Variants in ETV1 observed in about 807,000 individuals in gnomAD.
The protein encoded by ETV1 is ETS translocation variant 1.
In ETV1, 27 loss-of-function variants were observed where a neutral mutation model predicts 62.3. That is an observed-to-expected ratio of 0.43 (90% CI 0.32 to 0.60). The LOEUF is 0.60. Among genes scored for constraint, ETV1 ranks in the 20% least tolerant of loss-of-function variants. The pLI is 0.06. For synonymous variants in ETV1, 222 were observed against 199.6 expected (o/e 1.11, Z -0.94); for missense variants, 605 against 605.8 (o/e 1.00, Z 0.01).
At chr7:13,962,355 G>C (rs1309274685) in intron 6 of ETV1, among the ~76,000 whole-genome samples, 1 of 151,948 alleles carries the variant, frequency 6.6e-6, no homozygotes, top group East Asian at 1.9e-4. Context: ...TTGAACTCAA[G>C]AGGCCTAGGT....
chr7:13,990,147 G>C (rs2073532), upstream of ETV1, among the ~76,000 whole-genome samples: 104,632 of 151,982 alleles, frequency 0.69, 36,157 homozygotes, highest in Admixed American at 0.73. Flanking sequence ...AGCTCACCTC[G>C]CTCTCTATCC....
At position 13,917,330 on chromosome 7, in the gene ETV1, ATT is replaced by A. The variant is rs548589730; in HGVS notation, c.803-6025_803-6024del. ...TATTTATTTATTTATTTATTTATTT[ATT>A]TTGAGACGGAGTTTCGCTCTTGTTG... On this transcript the variant is annotated intron_variant, in intron 9 of 13. Transcript: ENST00000430479. Among the ~76,000 whole-genome samples, 433 of 143,214 alleles carry A rather than the reference ATT, an allele frequency of 3.0e-3. 10 individuals carry two copies. Among genetic ancestry groups the A allele is most frequent in the Admixed American group, 0.028 (397 of 14,426 alleles). 94.0% of individuals were successfully genotyped at this position (143,214 alleles called of 152,430 possible). A position where few individuals can be genotyped will look rare whatever the true frequency, so the allele number is the denominator to read the frequency against.
intron 6 of ETV1, 74 bp from the exon 7 acceptor site, chr7:13,939,320 T>C: frequency 7.5e-7 from 1 of 1,324,668 alleles, no homozygotes; most frequent in South Asian, 1.4e-5. Context: ...GTTCTACTTC[T>C]CTTGTTAAAA....
Position 13,930,478 on chromosome 7 carries a change from T to C in ETV1, c.802+1024A>G, listed in dbSNP as rs1380547468. On this transcript the variant is annotated intron_variant, in intron 9 of 13. Transcript: ENST00000430479. ...CTGGGACTACAGGCACGTGCCAGCA[T>C]GCCCGGTTAATTTTTTGTGTTTTTA... Among the ~76,000 whole-genome samples the C allele has an allele frequency of 3.9e-5, 6 of 151,988 alleles. 1 individual carries two copies. The South Asian group carries it at 1.2e-3, about 32-fold the overall frequency.
At chr7:13,948,250 A>G (rs1264783954) in intron 6 of ETV1, among the ~76,000 whole-genome samples, 1 of 152,206 alleles carries the variant, frequency 6.6e-6, no homozygotes, top group African/African-American at 2.4e-5. Flanking sequence ...AAGTAAATAC[A>G]GTGATAAGTT....
chr7:13,982,606 GTGA>G (rs1194203787), intron 5 of ETV1, among the ~76,000 whole-genome samples: 1 of 151,870 alleles, frequency 6.6e-6, no homozygotes, highest in African/African-American at 2.4e-5. Context: ...AAAAAGAGGG[GTGA>G]TAGCCCATCC....
intron 11 of ETV1, among the ~76,000 whole-genome samples, chr7:13,907,066 T>G (rs756701987): frequency 8.5e-5 from 13 of 152,192 alleles, no homozygotes; most frequent in Non-Finnish European, 1.5e-4. Context: ...TATAAATATC[T>G]TATTGACCTG....
At chr7:13,924,464 G>A (rs558259525) in intron 9 of ETV1, among the ~76,000 whole-genome samples, 4 of 152,190 alleles carry the variant, frequency 2.6e-5, no homozygotes, top group African/African-American at 7.2e-5. Context: ...AATTTATATC[G>A]TTGAATTGCT....
chr7:13,896,945 T>G (rs973211693), intron 13 of ETV1, among the ~76,000 whole-genome samples: 6 of 151,904 alleles, frequency 3.9e-5, no homozygotes, highest in African/African-American at 1.4e-4. Context: ...TGAAAGGAAT[T>G]TAAAATACAC....
At chr7:13,962,264 C>A (rs1323242081) in intron 6 of ETV1, among the ~76,000 whole-genome samples, 1 of 151,342 alleles carries the variant, frequency 6.6e-6, no homozygotes, top group Non-Finnish European at 1.5e-5. Flanking sequence ...ATATTTATCC[C>A]ATTTTTATGC....
chr7:13,949,018 G>A (rs955762810), intron 6 of ETV1, among the ~76,000 whole-genome samples: 3 of 152,072 alleles, frequency 2.0e-5, no homozygotes, highest in African/African-American at 7.2e-5. Context: ...AAATTTCAAG[G>A]AATTTACTTA....
At chr7:13,975,575 A>AAAG (rs1554315378) in intron 6 of ETV1, among the ~76,000 whole-genome samples, 3 of 135,854 alleles carry the variant, frequency 2.2e-5, no homozygotes, top group Non-Finnish European at 3.1e-5. Context: ...AAAAAAAAAA[A>AAAG]AAAAGAAAAG....
intron 9 of ETV1, among the ~76,000 whole-genome samples, chr7:13,925,770 G>GTGTTAGCCAGGA (rs1328909777): frequency 6.6e-6 from 1 of 151,560 alleles, no homozygotes; most frequent in East Asian, 1.9e-4. Flanking sequence ...GGGTTTCACC[G>GTGTTAGCCAGGA]TGGTCTTGAT....
At chr7:13,979,722 T>C (rs892796410) in intron 5 of ETV1, among the ~76,000 whole-genome samples, 1 of 152,128 alleles carries the variant, frequency 6.6e-6, no homozygotes, top group African/African-American at 2.4e-5. Context: ...CCAACATTTA[T>C]AAGAATCTAA....
intron 5 of ETV1, among the ~76,000 whole-genome samples, chr7:13,982,399 AACTAC>A (rs1782080517): frequency 6.6e-6 from 1 of 152,062 alleles, no homozygotes; most frequent in African/African-American, 2.4e-5. Flanking sequence ...CCTCTGGAAA[AACTAC>A]ACTATACTAC....
intron 10 of ETV1, among the ~76,000 whole-genome samples, 193 bp downstream of exon 10, chr7:13,911,046 A>T (rs1783507080): frequency 6.6e-6 from 1 of 152,190 alleles, no homozygotes; most frequent in Non-Finnish European, 1.5e-5. Flanking sequence ...TACGCATATG[A>T]CTCATGTTAA....
chr7:13,921,076 T>A (rs1784790732), intron 9 of ETV1, among the ~76,000 whole-genome samples: 1 of 152,152 alleles, frequency 6.6e-6, no homozygotes, highest in East Asian at 1.9e-4. Flanking sequence ...TTCTGAAAGT[T>A]CAATAGCTCA....
At chr7:13,936,017 G>T in intron 7 of ETV1, 121 bp from the exon 8 acceptor site, 1 of 755,042 alleles carries the variant, frequency 1.3e-6, no homozygotes, top group South Asian at 1.9e-5. Context: ...TGAAAACTTT[G>T]TTGTTGCTAT....
At chr7:13,941,327 A>C (rs1197005292) in intron 6 of ETV1, among the ~76,000 whole-genome samples, 1 of 152,222 alleles carries the variant, frequency 6.6e-6, no homozygotes, top group Non-Finnish European at 1.5e-5. Flanking sequence ...TGTATTTAAA[A>C]AGTTTTAATG....
Sources: allele counts gnomAD v4.1 joint callset (sites outside exome capture counted in the v4.1 genomes callset), GRCh38; gene constraint gnomAD v4.1.1; transcripts MANE v1.5; gene names NCBI Gene and HGNC (gene_info 2026-07-23, HGNC 2026-07-21).